The following PTPRJ variants were observed in gnomAD, a reference collection of about 807,000 sequenced individuals.
The protein encoded by PTPRJ is receptor-type tyrosine-protein phosphatase eta.
A neutral mutation model predicts 141.3 loss-of-function variants in PTPRJ; 129 were observed. The observed-to-expected ratio is 0.91, with a 90% CI of 0.79 to 1.06. The LOEUF is 1.06. Ranked by LOEUF, PTPRJ falls within the 50% of genes least tolerant of loss-of-function variation. The probability of loss-of-function intolerance (pLI) is 0.00; values close to 1 mark genes in which losing one functional copy is unlikely to be tolerated. For synonymous variants in PTPRJ, 610 were observed against 640.5 expected, an observed-to-expected ratio of 0.95 and a Z score of 0.72; for missense variants, 1,601 against 1,679.7, an observed-to-expected ratio of 0.95 and a Z score of 0.82.
chr11:48,099,527 T>C (rs1856101965), intron 1 of PTPRJ, among the ~76,000 whole-genome samples: 1 of 152,056 alleles, frequency 6.6e-6, no homozygotes. Flanking sequence ...TGCTGACCCC[T>C]GATTTAGGGC....
chr11:48,156,448 A>G (rs768795559), intron 21 of PTPRJ, among the ~76,000 whole-genome samples: 2 of 152,124 alleles, frequency 1.3e-5, no homozygotes, highest in Admixed American at 6.5e-5. Flanking sequence ...CATTGGCCCC[A>G]TGAACACGGA....
At chr11:47,991,096 A>G (rs529165987) in intron 1 of PTPRJ, among the ~76,000 whole-genome samples, 1 of 152,268 alleles carries the variant, frequency 6.6e-6, no homozygotes, top group South Asian at 2.1e-4. Flanking sequence ...ACACAGACAC[A>G]CGCAAATGTA....
intron 1 of PTPRJ, among the ~76,000 whole-genome samples, chr11:48,042,273 G>T (rs1042374686): frequency 3.9e-5 from 6 of 152,202 alleles, no homozygotes; most frequent in African/African-American, 1.4e-4. Context: ...GACTGATGAG[G>T]CTCTGAATAG....
chr11:48,044,519 C>A (rs1854343542), intron 1 of PTPRJ, among the ~76,000 whole-genome samples: 1 of 152,194 alleles, frequency 6.6e-6, no homozygotes, highest in African/African-American at 2.4e-5. Context: ...GGGAATAACT[C>A]ATTTGCTTAA....
In PTPRJ at chr11:47,980,627, G is replaced by T. The variant is rs1853871019; in HGVS notation, c.-286G>T. ...GCGGGAGCCGGGACCGGGTAGCCGCGCGCTGGGGGTGGGCGCCGCTCGCTC... is the reference window on the plus strand; with the variant it reads ...GCGGGAGCCGGGACCGGGTAGCCGCTCGCTGGGGGTGGGCGCCGCTCGCTC... On this transcript the variant is annotated 5_prime_UTR_variant, in exon 1 of 25. Coordinates refer to ENST00000418331, the MANE Select transcript of PTPRJ (RefSeq NM_002843.4). The T allele has an allele frequency of 2.0e-6, 2 of 983,790 alleles. No individual in the cohort carries two copies. The highest frequency in any genetic ancestry group is 2.4e-6 in the Non-Finnish European group (2 of 829,906). The allele number at this position is 983,790 out of a possible 1,614,324, so 60.9% of individuals were successfully genotyped here.
At chr11:48,132,419 C>A (rs535381795) in intron 8 of PTPRJ, 656 of 982,246 alleles carry the variant, frequency 6.7e-4, no homozygotes, top group Middle Eastern at 1.0e-3. Flanking sequence ...ATTTCTAGGC[C>A]TACAGGAGAA....
chr11:48,028,283 C>T lies in PTPRJ; in HGVS notation c.96+47275C>T, dbSNP rs145249243. Among the ~76,000 whole-genome samples, 298 of 152,312 alleles carry T rather than the reference C, an allele frequency of 2.0e-3. 1 individual carries two copies. Among genetic ancestry groups the T allele is most frequent in the African/African-American group, 6.8e-3 (284 of 41,568 alleles). ...CTGTCCCCCTAATCCACACTGTCCT[C>T]TCTCCTCATGGGCAGCCTGAGAATG... On this transcript the variant is annotated intron_variant, in intron 1 of 24. Transcript: ENST00000418331.
chr11:48,089,587 G>A (rs1361203740), intron 1 of PTPRJ, among the ~76,000 whole-genome samples: 1 of 151,770 alleles, frequency 6.6e-6, no homozygotes, highest in Non-Finnish European at 1.5e-5. Context: ...TATCACCTGA[G>A]GAGCCCATTG....
chr11:48,065,004 CTTTTTTTTTTTTTTT>C (rs61139660), intron 1 of PTPRJ, among the ~76,000 whole-genome samples: 1 of 117,208 alleles, frequency 8.5e-6, no homozygotes, highest in Non-Finnish European at 1.7e-5. Flanking sequence ...CCTCAACTAC[CTTTTTTTTTTTTTTT>C]TTTTTTTTTT....
chr11:48,034,807 C>A (rs1034434794), intron 1 of PTPRJ, among the ~76,000 whole-genome samples: 1 of 152,342 alleles, frequency 6.6e-6, no homozygotes, highest in East Asian at 1.9e-4. Context: ...GTTTTCCCAT[C>A]AATCTCTACT....
chr11:48,152,143 C>G (rs952092677), intron 18 of PTPRJ, among the ~76,000 whole-genome samples: 9 of 152,182 alleles, frequency 5.9e-5, no homozygotes, highest in African/African-American at 1.9e-4. Context: ...GCCATTCTAA[C>G]TGGTGTGAGA....
At chr11:48,073,057 C>T (rs375204491) in intron 1 of PTPRJ, among the ~76,000 whole-genome samples, 5 of 152,318 alleles carry the variant, frequency 3.3e-5, no homozygotes, top group South Asian at 4.1e-4. Flanking sequence ...TTCATTTTAA[C>T]GTGGTTCTGC....
chr11:48,048,402 A>T (rs1443999178), intron 1 of PTPRJ, among the ~76,000 whole-genome samples: 3 of 152,198 alleles, frequency 2.0e-5, no homozygotes, highest in African/African-American at 7.2e-5. Context: ...TGCACAGCTT[A>T]CGGCCATGAT....
At chr11:48,080,732 C>T (rs1319221251) in intron 1 of PTPRJ, among the ~76,000 whole-genome samples, 1 of 152,224 alleles carries the variant, frequency 6.6e-6, no homozygotes, top group Non-Finnish European at 1.5e-5. Context: ...CTCCCCTCCT[C>T]TGTAAAACTG....
chr11:47,981,628 T>C (rs1222538066), intron 1 of PTPRJ, among the ~76,000 whole-genome samples: 1 of 152,212 alleles, frequency 6.6e-6, no homozygotes, highest in East Asian at 1.9e-4. Context: ...GTGCTTGATT[T>C]CATGGGTGTT....
At chr11:48,040,957 A>G (rs1237628714) in intron 1 of PTPRJ, among the ~76,000 whole-genome samples, 1 of 151,916 alleles carries the variant, frequency 6.6e-6, no homozygotes, top group Non-Finnish European at 1.5e-5. Context: ...TGTCCTGCAC[A>G]TGTGCACTGC....
At chr11:48,041,300 C>T (rs1343888758) in intron 1 of PTPRJ, among the ~76,000 whole-genome samples, 1 of 152,168 alleles carries the variant, frequency 6.6e-6, no homozygotes, top group Non-Finnish European at 1.5e-5. Context: ...GAAGGCTGAG[C>T]GTTTCTGTTC....
intron 1 of PTPRJ, among the ~76,000 whole-genome samples, chr11:48,007,872 G>A (rs1398454555): frequency 6.6e-6 from 1 of 152,214 alleles, no homozygotes; most frequent in Non-Finnish European, 1.5e-5. Context: ...GTTTACTTTA[G>A]AGATGTTGAA....
chr11:48,160,746 T>C (rs1445714373), intron 22 of PTPRJ, among the ~76,000 whole-genome samples: 2 of 152,158 alleles, frequency 1.3e-5, no homozygotes, highest in African/African-American at 4.8e-5. Flanking sequence ...CAAAGGCTTA[T>C]TCAGAAAGAC....
Sources: allele counts gnomAD v4.1 joint callset (sites outside exome capture counted in the v4.1 genomes callset), GRCh38; gene constraint gnomAD v4.1.1; transcripts MANE v1.5; gene names NCBI Gene and HGNC (gene_info 2026-07-23, HGNC 2026-07-21).